Variants in NSMCE2 observed in about 807,000 individuals in gnomAD.
NSMCE2 encodes the protein E3 SUMO-protein ligase NSE2.
In NSMCE2, 24 loss-of-function variants were observed where a neutral mutation model predicts 23.8. That is an observed-to-expected ratio of 1.01 (90% CI 0.73 to 1.42). The LOEUF is 1.42. NSMCE2 is among the 40% of genes most tolerant of loss of function. NSMCE2 has a pLI of 0.00. For synonymous variants in NSMCE2, 92 were observed against 94.1 expected (o/e 0.98, Z 0.13); for missense variants, 284 against 296.5 (o/e 0.96, Z 0.31).
intron 4 of NSMCE2, among the ~76,000 whole-genome samples, chr8:125,175,189 G>A (rs745632715): frequency 2.0e-5 from 3 of 152,004 alleles, no homozygotes; most frequent in Non-Finnish European, 4.4e-5. Context: ...TGTGCATGAC[G>A]AATTGGGTTG....
intron 5 of NSMCE2, among the ~76,000 whole-genome samples, chr8:125,342,267 T>A (rs1005399037): frequency 6.6e-6 from 1 of 152,180 alleles, no homozygotes; most frequent in South Asian, 2.1e-4. Context: ...CACCTTTGGG[T>A]GTGGGTAAGG....
At chr8:125,197,149 C>T (rs1198665046) in intron 5 of NSMCE2, among the ~76,000 whole-genome samples, 1 of 152,130 alleles carries the variant, frequency 6.6e-6, no homozygotes, top group Non-Finnish European at 1.5e-5. Context: ...CTGTAGGTTG[C>T]CTGTTCACTC....
intron 5 of NSMCE2, among the ~76,000 whole-genome samples, chr8:125,345,413 T>C (rs541739812): frequency 6.6e-6 from 1 of 152,352 alleles, no homozygotes; most frequent in African/African-American, 2.4e-5. Context: ...TTTCATCTTT[T>C]TATTGTGGTA....
intron 5 of NSMCE2, among the ~76,000 whole-genome samples, chr8:125,216,368 G>A (rs947347915): frequency 2.0e-5 from 3 of 152,156 alleles, no homozygotes; most frequent in Admixed American, 1.3e-4. Context: ...GTCCGGGCGC[G>A]ATGGCTCATG....
intron 5 of NSMCE2, among the ~76,000 whole-genome samples, chr8:125,319,651 G>C (rs1403451231): frequency 6.6e-6 from 1 of 152,036 alleles, no homozygotes; most frequent in African/African-American, 2.4e-5. Context: ...TGGCAGCTTA[G>C]ACACTGCAGA....
At chr8:125,287,586 A>G (rs184171004) in intron 5 of NSMCE2, among the ~76,000 whole-genome samples, 23 of 152,230 alleles carry the variant, frequency 1.5e-4, no homozygotes, top group Non-Finnish European at 1.9e-4. Flanking sequence ...TTTCTGTATC[A>G]TCCATATCAT....
intron 5 of NSMCE2, among the ~76,000 whole-genome samples, chr8:125,342,012 C>A (rs1267174866): frequency 6.6e-6 from 1 of 151,850 alleles, no homozygotes; most frequent in African/African-American, 2.4e-5. Flanking sequence ...ATGTTAATTG[C>A]CTCAGGTGGT....
At chr8:125,134,621 A>G (rs1396438917) in intron 3 of NSMCE2, among the ~76,000 whole-genome samples, 2 of 150,648 alleles carry the variant, frequency 1.3e-5, no homozygotes, top group Admixed American at 1.3e-4. Context: ...TTTTTTAATC[A>G]TTGCATTTTG....
chr8:125,194,701 A>G (rs1356832799), intron 5 of NSMCE2, among the ~76,000 whole-genome samples: 3 of 152,296 alleles, frequency 2.0e-5, no homozygotes, highest in South Asian at 2.1e-4. Context: ...TTTTGTCGAT[A>G]TTATTTATAA....
chr8:125,130,092 G>T, intron 3 of NSMCE2: 1 of 337,142 alleles, frequency 3.0e-6, no homozygotes, highest in South Asian at 2.4e-5. Flanking sequence ...TTCTTAGTTG[G>T]TTTCGCTTTT....
chr8:125,177,953 C>G (rs1822578665), intron 4 of NSMCE2, among the ~76,000 whole-genome samples: 1 of 152,166 alleles, frequency 6.6e-6, no homozygotes, highest in African/African-American at 2.4e-5. Context: ...TAGCATTTGA[C>G]TAGCTGTCCA....
chr8:125,271,878 C>T (rs777811132), intron 5 of NSMCE2, among the ~76,000 whole-genome samples: 2 of 152,158 alleles, frequency 1.3e-5, no homozygotes, highest in Non-Finnish European at 2.9e-5. Context: ...AAATAATCTG[C>T]ATAATATCTC....
intron 5 of NSMCE2, among the ~76,000 whole-genome samples, chr8:125,194,354 G>C (rs570857031): frequency 6.6e-6 from 1 of 152,234 alleles, no homozygotes; most frequent in Non-Finnish European, 1.5e-5. Flanking sequence ...ACAGTGTGTA[G>C]CCTTTTGAGT....
chr8:125,281,420 A>T (rs1171968445), intron 5 of NSMCE2, among the ~76,000 whole-genome samples: 1 of 152,188 alleles, frequency 6.6e-6, no homozygotes, highest in Non-Finnish European at 1.5e-5. Context: ...TTGCCAGAGG[A>T]GATCACTGGG....
At chr8:125,144,466 G>C (rs138242898) in intron 3 of NSMCE2, among the ~76,000 whole-genome samples, 1 of 152,078 alleles carries the variant, frequency 6.6e-6, no homozygotes, top group Non-Finnish European at 1.5e-5. Context: ...GAACAAATAC[G>C]GTATGAACAG....
intron 4 of NSMCE2, among the ~76,000 whole-genome samples, chr8:125,161,690 G>A (rs960683914): frequency 2.0e-5 from 3 of 148,972 alleles, no homozygotes; most frequent in South Asian, 4.3e-4. Flanking sequence ...CCAGCTACTC[G>A]GGAGGCTGAG....
intron 7 of NSMCE2, among the ~76,000 whole-genome samples, chr8:125,365,143 G>C (rs1813722926): frequency 6.6e-6 from 1 of 151,828 alleles, no homozygotes; most frequent in Non-Finnish European, 1.5e-5. Flanking sequence ...CTCTCTTCTA[G>C]GAGGGCTACT....
chr8:125,271,226 A>T (rs763270952), intron 5 of NSMCE2, among the ~76,000 whole-genome samples: 1 of 151,028 alleles, frequency 6.6e-6, no homozygotes, highest in Non-Finnish European at 1.5e-5. Context: ...ATGCCATTGC[A>T]CTGCAGACTG....
At chr8:125,099,201 G>A (rs750936082) in intron 1 of NSMCE2, among the ~76,000 whole-genome samples, 2 of 152,132 alleles carry the variant, frequency 1.3e-5, no homozygotes, top group African/African-American at 4.8e-5. Flanking sequence ...CAAGAATGTC[G>A]TTTGGCAATA....
Sources: allele counts gnomAD v4.1 joint callset (sites outside exome capture counted in the v4.1 genomes callset), GRCh38; gene constraint gnomAD v4.1.1; transcripts MANE v1.5; gene names NCBI Gene and HGNC (gene_info 2026-07-23, HGNC 2026-07-21).